Variants in NAALADL2 observed in about 807,000 individuals in gnomAD.
The protein encoded by NAALADL2 is N-acetylated alpha-linked acidic dipeptidase like 2.
NAALADL2 carries 76 observed loss-of-function variants against 87.2 expected under a neutral mutation model. That is an observed-to-expected ratio of 0.87 (90% confidence interval 0.72 to 1.05). The LOEUF (loss-of-function observed/expected upper bound fraction) is 1.05. Among genes scored for constraint, NAALADL2 ranks in the 50% least tolerant of loss-of-function variants. The pLI is 0.00. For synonymous variants in NAALADL2, 354 were observed against 331.0 expected (o/e 1.07, Z -0.75); for missense variants, 1,089 against 945.8 (o/e 1.15, Z -1.99).
At chr3:175,566,786 T>C (rs577298427) in intron 9 of NAALADL2, among the ~76,000 whole-genome samples, 1 of 152,254 alleles carries the variant, frequency 6.6e-6, no homozygotes, top group Admixed American at 6.5e-5. Flanking sequence ...TTCTTCTTTA[T>C]ATATTATAGA....
At chr3:174,876,189 GTTA>G (rs919461203) in intron 1 of NAALADL2, among the ~76,000 whole-genome samples, 1 of 151,982 alleles carries the variant, frequency 6.6e-6, no homozygotes, top group African/African-American at 2.4e-5. Flanking sequence ...TTCTCTCTTT[GTTA>G]TTATATGTGT....
chr3:175,522,028 T>G (rs1361017627), intron 9 of NAALADL2, among the ~76,000 whole-genome samples: 1 of 152,154 alleles, frequency 6.6e-6, no homozygotes, highest in Non-Finnish European at 1.5e-5. Flanking sequence ...TTTAAAAATG[T>G]CTTTCCCATA....
At chr3:174,953,394 G>C (rs1485651969) in intron 1 of NAALADL2, among the ~76,000 whole-genome samples, 2 of 136,718 alleles carry the variant, frequency 1.5e-5, no homozygotes, top group Non-Finnish European at 3.0e-5. Flanking sequence ...TACCTACTAC[G>C]TGTCAGGCAT....
At chr3:175,719,053 G>T (rs1030043898) in intron 11 of NAALADL2, among the ~76,000 whole-genome samples, 1 of 152,082 alleles carries the variant, frequency 6.6e-6, no homozygotes, top group Admixed American at 6.6e-5. Context: ...CAGGGGCCAG[G>T]ATGAATCTCC....
intron 2 of NAALADL2, among the ~76,000 whole-genome samples, chr3:174,585,537 T>A (rs1376709339): frequency 6.6e-6 from 1 of 152,172 alleles, no homozygotes; most frequent in East Asian, 1.9e-4. Context: ...TTTGAATACA[T>A]CCAAAGATGT....
intron 13 of NAALADL2, among the ~76,000 whole-genome samples, chr3:175,801,287 A>G (rs1030012247): frequency 1.3e-5 from 2 of 152,066 alleles, no homozygotes; most frequent in African/African-American, 4.8e-5. Flanking sequence ...TTTCTTGCTT[A>G]CATCCTTTTG....
intron 3 of NAALADL2, among the ~76,000 whole-genome samples, chr3:174,841,035 T>C (rs1168621456): frequency 7.1e-6 from 1 of 140,098 alleles, no homozygotes. Flanking sequence ...ACTTTGACTT[T>C]ATTAAAAAAA....
At chr3:174,784,353 G>A (rs78381471) in intron 3 of NAALADL2, among the ~76,000 whole-genome samples, 6 of 152,170 alleles carry the variant, frequency 3.9e-5, no homozygotes, top group East Asian at 3.9e-4. Flanking sequence ...ATTATGTGGC[G>A]AGTCTTTGCA....
At chr3:175,444,412 A>T (rs1281788940) in intron 5 of NAALADL2, among the ~76,000 whole-genome samples, 1 of 152,184 alleles carries the variant, frequency 6.6e-6, no homozygotes, top group East Asian at 1.9e-4. Context: ...CTGGAGCAGT[A>T]GGAGACTTGA....
intron 5 of NAALADL2, among the ~76,000 whole-genome samples, chr3:175,344,745 A>G (rs975283972): frequency 6.6e-6 from 1 of 152,088 alleles, no homozygotes; most frequent in Non-Finnish European, 1.5e-5. Context: ...GATTTGTAAA[A>G]CGTTTCAAGA....
At chr3:175,644,116 G>A (rs1729655328) in intron 11 of NAALADL2, among the ~76,000 whole-genome samples, 1 of 152,002 alleles carries the variant, frequency 6.6e-6, no homozygotes, top group South Asian at 2.1e-4. Flanking sequence ...CTAAGTGCTT[G>A]TTAAAAATCA....
At chr3:174,720,186 A>C (rs905567785) in intron 2 of NAALADL2, among the ~76,000 whole-genome samples, 1 of 152,172 alleles carries the variant, frequency 6.6e-6, no homozygotes, top group African/African-American at 2.4e-5. Context: ...ACAAGGGATT[A>C]TTTACACTTT....
intron 2 of NAALADL2, among the ~76,000 whole-genome samples, chr3:175,182,217 G>C (rs1736667173): frequency 6.6e-6 from 1 of 152,024 alleles, no homozygotes; most frequent in Non-Finnish European, 1.5e-5. Context: ...GTCTATTCAA[G>C]TCCCTTGCTC....
intron 2 of NAALADL2, among the ~76,000 whole-genome samples, chr3:174,655,889 G>T (rs1412684056): frequency 6.6e-6 from 1 of 152,110 alleles, no homozygotes; most frequent in African/African-American, 2.4e-5. Flanking sequence ...CTATTATCAA[G>T]TGTGTGTTAA....
chr3:174,701,132 T>A (rs188895407), intron 2 of NAALADL2, among the ~76,000 whole-genome samples: 1 of 151,880 alleles, frequency 6.6e-6, no homozygotes, highest in East Asian at 1.9e-4. Context: ...TATATTTACA[T>A]TATTCATGTA....
chr3:175,782,508 T>G (rs1337313963), intron 13 of NAALADL2, among the ~76,000 whole-genome samples: 1 of 132,748 alleles, frequency 7.5e-6, no homozygotes, highest in Admixed American at 7.6e-5. Flanking sequence ...TGTCTTCTTT[T>G]GAGAAGTGTC....
At chr3:175,635,995 C>A (rs1194520940) in intron 11 of NAALADL2, among the ~76,000 whole-genome samples, 1 of 152,102 alleles carries the variant, frequency 6.6e-6, no homozygotes, top group African/African-American at 2.4e-5. Context: ...AAGTTTTGGA[C>A]CCTGTTACGA....
chr3:174,514,574 G>A (rs1045673427), intron 1 of NAALADL2, among the ~76,000 whole-genome samples: 1 of 152,048 alleles, frequency 6.6e-6, no homozygotes, highest in Non-Finnish European at 1.5e-5. Flanking sequence ...CTTTTCTATA[G>A]GGAAATGAAA....
chr3:174,979,072 G>T (rs1744753487), intron 1 of NAALADL2, among the ~76,000 whole-genome samples: 1 of 152,046 alleles, frequency 6.6e-6, no homozygotes, highest in African/African-American at 2.4e-5. Flanking sequence ...ATCCATAAAA[G>T]AAAAGGAAAG....
Sources: gnomAD v4.1 joint callset for allele counts (sites outside exome capture counted in the v4.1 genomes callset) on GRCh38, gnomAD v4.1.1 for gene constraint, MANE v1.5 for transcripts, NCBI Gene and HGNC (gene_info 2026-07-23, HGNC 2026-07-21) for gene names.